The following BCL2L13 variants were observed in gnomAD, a reference collection of about 807,000 sequenced individuals.
BCL2L13 encodes bcl-2-like protein 13.
A neutral mutation model predicts 25.8 loss-of-function variants in BCL2L13; 13 were observed. The observed-to-expected ratio is 0.50, with a 90% confidence interval of 0.33 to 0.80. The LOEUF (loss-of-function observed/expected upper bound fraction) is 0.80. BCL2L13 is among the 30% of genes least tolerant of loss of function. The pLI is 0.02. For synonymous variants in BCL2L13, 244 were observed against 230.3 expected (o/e 1.06, Z -0.54); for missense variants, 504 against 574.9 (o/e 0.88, Z 1.26).
In BCL2L13 at chr22:17,710,417, A is replaced by AT. The variant is rs561990431; in HGVS notation, c.600+8033dup. ...TGGTGAATCCCTGTCTCTACTAAAA[A>AT]TTAAAAAAAAAAATTCTCCGGGCAT... On this transcript the variant is annotated intron_variant, in intron 6 of 6. Coordinates refer to ENST00000317582, the MANE Select transcript of BCL2L13 (RefSeq NM_015367.4). 8.6e-5 allele frequency among the ~76,000 whole-genome samples: 13 copies of AT among 151,732 alleles called. No homozygotes were observed. In the East Asian group the frequency reaches 2.5e-3, roughly 29 times the overall value.
At chr22:17,641,839 G>A (rs1196009109) in intron 1 of BCL2L13, among the ~76,000 whole-genome samples, 15 of 142,290 alleles carry the variant, frequency 1.1e-4, no homozygotes, top group Admixed American at 2.2e-4. Flanking sequence ...TCACTCTGTC[G>A]CCCAGGCTGG....
intron 6 of BCL2L13, among the ~76,000 whole-genome samples, chr22:17,724,289 A>G (rs1416882709): frequency 6.6e-6 from 1 of 152,168 alleles, no homozygotes; most frequent in East Asian, 1.9e-4. Flanking sequence ...TACAACAAAA[A>G]CAATCTTATC....
At chr22:17,683,844 CATTATTATT>C (rs57407987) in intron 3 of BCL2L13, among the ~76,000 whole-genome samples, 72,004 of 144,278 alleles carry the variant, frequency 0.5, 18,271 homozygotes, top group East Asian at 0.73. Flanking sequence ...TCAGTCATTC[CATTATTATT>C]ATTATTATTA....
chr22:17,701,245 G>A (rs2587082), intron 5 of BCL2L13, among the ~76,000 whole-genome samples: 130,426 of 152,174 alleles, frequency 0.86, 56,042 homozygotes, highest in East Asian at 0.94. Flanking sequence ...ATAGCTCTTA[G>A]TTTTTAAAAG....
intron 6 of BCL2L13, among the ~76,000 whole-genome samples, chr22:17,714,630 C>T (rs1284224160): frequency 6.6e-6 from 1 of 152,162 alleles, no homozygotes; most frequent in Non-Finnish European, 1.5e-5. Flanking sequence ...AAGACCTCTA[C>T]TAGAACGTAG....
chr22:17,720,895 G>A (rs988582254), intron 6 of BCL2L13, among the ~76,000 whole-genome samples: 3 of 151,814 alleles, frequency 2.0e-5, no homozygotes, highest in Non-Finnish European at 2.9e-5. Context: ...GGCCGGGCGC[G>A]GTGGCTCACG....
chr22:17,629,087 C>T, intron 1 of BCL2L13: 1 of 158,340 alleles, frequency 6.3e-6, no homozygotes, highest in Non-Finnish European at 1.4e-5. Flanking sequence ...GATTGTTGGC[C>T]GGGCGTGGTG....
chr22:17,637,682 C>T (rs1479482860), upstream of BCL2L13, among the ~76,000 whole-genome samples: 1 of 152,020 alleles, frequency 6.6e-6, no homozygotes, highest in Non-Finnish European at 1.5e-5. Flanking sequence ...CCGGCCTGTA[C>T]TATTAGTTTT....
chr22:17,673,911 A>G (rs999646577), intron 2 of BCL2L13, among the ~76,000 whole-genome samples: 3 of 152,140 alleles, frequency 2.0e-5, no homozygotes, highest in African/African-American at 7.2e-5. Flanking sequence ...ATCTGTACAT[A>G]TAAATCTTTA....
intron 6 of BCL2L13, among the ~76,000 whole-genome samples, chr22:17,721,549 G>A (rs1328363043): frequency 2.6e-5 from 3 of 115,720 alleles, no homozygotes; most frequent in Admixed American, 9.1e-5. Flanking sequence ...TTTTTGAGAC[G>A]TAAGTCTTAA....
intron 1 of BCL2L13, among the ~76,000 whole-genome samples, chr22:17,646,956 T>TA (rs1491502012): frequency 0.013 from 180 of 14,294 alleles, no homozygotes; most frequent in African/African-American, 0.031. Flanking sequence ...TATATATATA[T>TA]TTTTTTTTTT....
chr22:17,717,091 C>T (rs1310528489), intron 6 of BCL2L13, among the ~76,000 whole-genome samples: 6 of 152,190 alleles, frequency 3.9e-5, no homozygotes, highest in Admixed American at 6.5e-5. Context: ...TACTTTTCAG[C>T]ACCATGTTTT....
rs1016910859 is a variant in BCL2L13, at chr22:17,639,465, C to T, written c.-51+579C>T. On this transcript the variant is annotated intron_variant, in intron 1 of 6. Coordinates refer to ENST00000317582, the MANE Select transcript of BCL2L13 (RefSeq NM_015367.4). Reference sequence around the variant, plus strand: ...GAGTCATTTTCCCCCTTTGATTTATCCTCCCAACATTCTGTAAAGATCCTA... The same window carrying T: ...GAGTCATTTTCCCCCTTTGATTTATTCTCCCAACATTCTGTAAAGATCCTA... Among the ~76,000 whole-genome samples the T allele has an allele frequency of 3.3e-5, 5 of 152,302 alleles. No homozygotes were observed. The East Asian group carries it at 5.8e-4, about 18-fold the overall frequency.
intron 2 of BCL2L13, among the ~76,000 whole-genome samples, chr22:17,658,796 C>T (rs1052259395): frequency 3.3e-5 from 5 of 151,170 alleles, no homozygotes; most frequent in African/African-American, 1.2e-4. Context: ...CGGTGGCTCA[C>T]ACCTGTAATC....
chr22:17,696,227 C>A lies in BCL2L13; in HGVS notation c.456+17C>A, dbSNP rs772176474. The A allele has an allele frequency of 2.5e-6, 4 of 1,604,896 alleles. No homozygotes were observed. The highest frequency in any genetic ancestry group is 3.4e-6 in the Non-Finnish European group (4 of 1,171,854). On this transcript the variant is annotated intron_variant, in intron 5 of 6. Transcript: ENST00000317582. The stretch of plus-strand genomic sequence containing the variant: ...TGGAATAAGGTATCATCACAATGAT[C>A]TTTTCTCTTAAAAGATTTTAGTGTG...
intron 2 of BCL2L13, 62 bp downstream of exon 2, chr22:17,655,894 A>G: frequency 2.1e-6 from 3 of 1,434,058 alleles, no homozygotes; most frequent in Non-Finnish European, 1.9e-6. Flanking sequence ...ATATAAAAGT[A>G]TATGTATCTA....
chr22:17,647,217 G>T (rs938790227), intron 1 of BCL2L13, among the ~76,000 whole-genome samples: 1 of 151,508 alleles, frequency 6.6e-6, no homozygotes. Context: ...CTTGTGATCC[G>T]CTCGCCTTGG....
intron 2 of BCL2L13, among the ~76,000 whole-genome samples, chr22:17,673,691 T>C (rs2059489790): frequency 1.3e-5 from 2 of 152,170 alleles, no homozygotes; most frequent in Admixed American, 1.3e-4. Flanking sequence ...TTCTTTTACC[T>C]TTTGTCATTT....
At chr22:17,718,198 G>A (rs1438635682) in intron 6 of BCL2L13, among the ~76,000 whole-genome samples, 3 of 152,054 alleles carry the variant, frequency 2.0e-5, no homozygotes, top group Admixed American at 6.6e-5. Flanking sequence ...TTACATTAGA[G>A]TAATACCAGA....
Sources: gnomAD v4.1 joint callset for allele counts (sites outside exome capture counted in the v4.1 genomes callset) on GRCh38, gnomAD v4.1.1 for gene constraint, MANE v1.5 for transcripts, NCBI Gene and HGNC (gene_info 2026-07-23, HGNC 2026-07-21) for gene names.